Variants in ARHGEF40 observed in about 807,000 individuals in gnomAD.
ARHGEF40 encodes Rho guanine nucleotide exchange factor 40.
A neutral mutation model predicts 165.9 loss-of-function variants in ARHGEF40; 98 were observed. That is an observed-to-expected ratio of 0.59 (90% CI 0.50 to 0.70). The LOEUF (loss-of-function observed/expected upper bound fraction) is 0.70, where lower values mean the gene tolerates loss of function less well. ARHGEF40 is among the 30% of genes least tolerant of loss of function. The pLI is 0.00. For missense variants in ARHGEF40, 1,815 were observed against 1,968.0 expected, an observed-to-expected ratio of 0.92 and a Z score of 1.47; for synonymous variants, 792 against 814.3, an observed-to-expected ratio of 0.97 and a Z score of 0.47.
rs780157076 is a variant in ARHGEF40, at chr14:21,074,861, A to G, written c.1131A>G (p.Lys377=). The G allele has an allele frequency of 3.1e-6, 5 of 1,610,690 alleles. No individual in the cohort carries two copies. The South Asian group carries it at 4.4e-5, about 14-fold the overall frequency. ...GPPGTPRRTG[K]GNRRKKRAAG... Reference sequence around the variant, plus strand: ...CTGGTACCCCTCGGAGAACAGGCAAAGGAAACAGAAGAAAGAAGCGAGCTG... The same window carrying G: ...CTGGTACCCCTCGGAGAACAGGCAAGGGAAACAGAAGAAAGAAGCGAGCTG... Residue 377 remains lysine (K), a synonymous_variant, in exon 3 of 24, where the codon AAA becomes AAG. Coordinates refer to ENST00000298694, the MANE Select transcript of ARHGEF40 (RefSeq NM_018071.5). The surrounding 1 kb of genome is among the most constrained non-coding windows in gnomAD (Gnocchi z 4.8).
rs1008797454 is a variant in ARHGEF40 at position 21,078,926 on chromosome 14, C to T, written c.2289C>T (p.Asp763=). ...QGPATLYQEV[D]EAIHQLVRLS... is the part of the protein sequence containing the mutation. ...CAGCTACACTGTATCAGGAAGTGGACGAGGCCATTCACCAGCTTGTGCGCC... is the reference window on the plus strand; with the variant it reads ...CAGCTACACTGTATCAGGAAGTGGATGAGGCCATTCACCAGCTTGTGCGCC... Residue 763 remains aspartate (D), a synonymous_variant, in exon 11 of 24, where the codon GAC becomes GAT. Transcript: ENST00000298694. 9 of 1,614,066 alleles carry T rather than the reference C, an allele frequency of 5.6e-6. No homozygotes were observed. Among genetic ancestry groups the T allele is most frequent in the East Asian group, 4.5e-5 (2 of 44,896 alleles).
At chr14:21,084,691 C>T (rs1314741884) in intron 17 of ARHGEF40, 62 bp from the exon 18 acceptor site, 2 of 1,546,426 alleles carry the variant, frequency 1.3e-6, no homozygotes, top group Non-Finnish European at 1.7e-6. Flanking sequence ...TCTATTTTTG[C>T]TCCCTGTAAA....
chr14:21,074,958 C>T lies in ARHGEF40; in HGVS notation c.1228C>T (p.His410Tyr). The T allele has an allele frequency of 6.2e-7, 1 of 1,608,538 alleles. No individual in the cohort carries two copies. The highest frequency in any genetic ancestry group is 8.5e-7 in the Non-Finnish European group (1 of 1,177,940). Residue 410 changes from histidine to tyrosine, a missense_variant, in exon 3 of 24, where the codon CAC becomes TAC. His to Tyr is a moderately conservative substitution (Grantham distance 83). Transcript: ENST00000298694. This position sits in a 1 kb window ranked among gnomAD's most constrained non-coding sequence, Gnocchi z 4.8. ...CCCTGGGGACAAGGAAGATGCCAGC[C>T]ACCAAGAAGCCCTTGGCAATCTGCC... Reference protein sequence around the residue: ...LSPGDKEDASHQEALGNLPSP... With the variant: ...LSPGDKEDASYQEALGNLPSP...
At chr14:21,081,300 C>T in intron 13 of ARHGEF40, 1 of 797,078 alleles carries the variant, frequency 1.3e-6, no homozygotes, top group East Asian at 2.7e-5. Flanking sequence ...CGTATGAGTA[C>T]CGGTTATTCT....
In ARHGEF40 at chr14:21,089,677, A is replaced by C. The variant is rs1247353716; in HGVS notation, c.*669A>C. 6.6e-6 allele frequency: 1 copy of C among 152,330 alleles called. No individual in the cohort carries two copies. The highest frequency in any genetic ancestry group is 1.5e-5 in the Non-Finnish European group (1 of 68,082). The allele number at this position is 152,330 out of a possible 1,614,324, so 9.4% of individuals were successfully genotyped here. The stretch of plus-strand genomic sequence containing the variant: ...CTGGAAGGTCCCCTCTACCCCTCCC[A>C]GGCCCAGAGCTAGCTGACTGTGTAT... On this transcript the variant is annotated 3_prime_UTR_variant, in exon 24 of 24. Transcript: ENST00000298694.
At chr14:21,071,822 G>T (rs1444966006) in intron 1 of ARHGEF40, among the ~76,000 whole-genome samples, 1 of 152,196 alleles carries the variant, frequency 6.6e-6, no homozygotes, top group African/African-American at 2.4e-5. Flanking sequence ...GGGAACACTG[G>T]GGGTCTGTCT....
At chr14:21,088,742 T>C in intron 22 of ARHGEF40, 88 bp from the exon 23 acceptor site, 1 of 1,374,492 alleles carries the variant, frequency 7.3e-7, no homozygotes. Flanking sequence ...GAGAGGTGAA[T>C]TGACAGGCTT....
At position 21,070,732 on chromosome 14, in the gene ARHGEF40, C is replaced by T. The variant is rs112878437; in HGVS notation, c.3+333C>T. ...TTCCTTTCCTGGAGCTTCCCTCCCC[C>T]TCCTGGTCCGAGCTCCTTACCCGCG... is the stretch of plus-strand genomic sequence containing the variant. On this transcript the variant is annotated intron_variant, in intron 1 of 23. Transcript: ENST00000298694. The surrounding 1 kb of genome is among the most constrained non-coding windows in gnomAD (Gnocchi z 4.7). 38 of 1,373,410 alleles carry T rather than the reference C, an allele frequency of 2.8e-5. No individual in the cohort carries two copies. Among genetic ancestry groups the T allele is most frequent in the Admixed American group, 1.4e-4 (7 of 49,488 alleles). The allele number at this position is 1,373,410 out of a possible 1,614,324, so 85.1% of individuals were successfully genotyped here.
At chr14:21,082,762 A>T (rs1234187257) in intron 15 of ARHGEF40, 69 bp from the exon 16 acceptor site, 5 of 1,491,530 alleles carry the variant, frequency 3.4e-6, no homozygotes, top group Non-Finnish European at 3.7e-6. Context: ...GAGGATAGAG[A>T]GGGGGAAGAG....
chr14:21,071,784 C>A, intron 1 of ARHGEF40, among the ~76,000 whole-genome samples: 1 of 152,230 alleles, frequency 6.6e-6, no homozygotes, highest in Non-Finnish European at 1.5e-5. Flanking sequence ...CTTCCCCCCA[C>A]CCACGCGCAC....
In ARHGEF40 at chr14:21,073,219, G is replaced by A; in HGVS notation, c.178G>A (p.Ala60Thr). Residue 60 changes from alanine (A) to threonine (T), a missense_variant, in exon 2 of 24, where the codon GCC (alanine) becomes ACC (threonine). Transcript: ENST00000298694. The surrounding 1 kb of genome is among the most constrained non-coding windows in gnomAD (Gnocchi z 4.6). ...CCTGGTACCAGCCAAGCACCTGCTT[G>A]CCAAGGTCCAGCAGGAAGCCTGTGT... Reference protein sequence around the residue: ...DFLVPAKHLLAKVQQEACAQY... With the variant: ...DFLVPAKHLLTKVQQEACAQY... The A allele has an allele frequency of 6.2e-7, 1 of 1,612,360 alleles. No individual in the cohort carries two copies. The highest frequency in any genetic ancestry group is 8.5e-7 in the Non-Finnish European group (1 of 1,179,354).
In ARHGEF40 at chr14:21,089,894, G is replaced by A. The variant is rs1042764404; in HGVS notation, c.*886G>A. ...TGCGTGAGAACTTGCTTGGCTGTTT[G>A]TTAAATGCTAATTCTTGGGCCCCAT... On this transcript the variant is annotated 3_prime_UTR_variant, in exon 24 of 24. Coordinates refer to ENST00000298694, the MANE Select transcript of ARHGEF40 (RefSeq NM_018071.5). 3.4e-5 allele frequency: 7 copies of A among 205,466 alleles called. No individual in the cohort carries two copies. The highest frequency in any genetic ancestry group is 7.0e-5 in the Non-Finnish European group (7 of 99,332). 12.7% of individuals were successfully genotyped at this position (205,466 alleles called of 1,614,324 possible).
chr14:21,064,622 G>T, the ARHGEF40 span, among the ~76,000 whole-genome samples: 1 of 152,144 alleles, frequency 6.6e-6, no homozygotes, highest in Non-Finnish European at 1.5e-5. Flanking sequence ...TTTAACTAAA[G>T]ACAATGTAGG....
In ARHGEF40 at chr14:21,076,785, G is replaced by A. The variant is rs116128800; in HGVS notation, c.1929G>A (p.Val643=). The A allele has an allele frequency of 1.8e-4, 283 of 1,614,134 alleles. No homozygotes were observed. The African/African-American group carries it at 2.7e-3, about 15-fold the overall frequency. ...CTTACCCTCTACAGGGTGCTGAGGT[G>A]CTGTCAGAGAATGATCTGAAAAGAG... ...TELCGFQGAE[V]LSENDLKRVA... is the part of the protein sequence containing the mutation. Residue 643 remains valine, a synonymous_variant, in exon 8 of 24, where the codon GTG becomes GTA. Transcript: ENST00000298694.
rs568973895 is a variant in ARHGEF40 at position 21,079,000 on chromosome 14, G to A, written c.2363G>A (p.Arg788Gln). The change falls in exon 11 of 24, where the codon CGA (arginine) becomes CAA (glutamine). Residue 788 changes from arginine (R) to glutamine (Q), a missense_variant. Arg to Gln is a conservative substitution (Grantham distance 43). Transcript: ENST00000298694. ...CAAGAGCAGCGGCAGTGCCTGCGGC[G>A]ACTCCAGCAGGTGAGCCAGGATCCC... ...QQQEQRQCLR[R>Q]LQQVLQWLSG... The A allele has an allele frequency of 5.0e-6, 8 of 1,612,978 alleles. No homozygotes were observed. The highest frequency in any genetic ancestry group is 4.0e-5 in the African/African-American group (3 of 75,046).
Position 21,073,252 on chromosome 14 carries a change from C to G in ARHGEF40, c.201+10C>G, listed in dbSNP as rs1161915891. 1 of 1,592,600 alleles carries G rather than the reference C, an allele frequency of 6.3e-7. No individual in the cohort carries two copies. The highest frequency in any genetic ancestry group is 8.5e-7 in the Non-Finnish European group (1 of 1,170,018). The stretch of plus-strand genomic sequence containing the variant: ...CCAGCAGGAAGCCTGTGTGAGTGGC[C>G]GTGCATCACTATTCTGCCTTCCCCA... On this transcript the variant is annotated intron_variant, in intron 2 of 23. Transcript: ENST00000298694. This position sits in a 1 kb window ranked among gnomAD's most constrained non-coding sequence, Gnocchi z 4.6.
At position 21,080,591 on chromosome 14, in the gene ARHGEF40, T is replaced by C. The variant is rs970291854; in HGVS notation, c.2374-69T>C. ...CTATAGATTGGGGTGGTGGGGCTGA[T>C]GCTGGATCTCAGCCCTTCCTTGCCT... is the stretch of plus-strand genomic sequence containing the variant. On this transcript the variant is annotated intron_variant, in intron 11 of 23. Transcript: ENST00000298694. 6 of 1,526,748 alleles carry C rather than the reference T, an allele frequency of 3.9e-6. No homozygotes were observed. The East Asian group carries it at 1.4e-4, about 35-fold the overall frequency. The allele number at this position is 1,526,748 out of a possible 1,614,324, so 94.6% of individuals were successfully genotyped here.
upstream of ARHGEF40, among the ~76,000 whole-genome samples, chr14:21,066,624 G>A (rs927984753): frequency 2.0e-5 from 3 of 152,164 alleles, no homozygotes; most frequent in Admixed American, 6.5e-5. Flanking sequence ...ATGAGCCACC[G>A]TGCCCAGCCT....
chr14:21,082,449 C>A lies in ARHGEF40; in HGVS notation c.3457C>A (p.Leu1153Ile). The A allele has an allele frequency of 6.2e-7, 1 of 1,601,078 alleles. No homozygotes were observed. Among genetic ancestry groups the A allele is most frequent in the Non-Finnish European group, 8.5e-7 (1 of 1,172,022 alleles). ...RELQGCATHP[L>I]RIGACFLRHG... ...GCTTCAGGGCTGCGCCACCCACCCC[C>A]TACGCATTGGGGCCTGCTTCCTTCG... The change falls in exon 15 of 24, where the codon CTA (leucine) becomes ATA (isoleucine). Residue 1153 changes from leucine to isoleucine, a missense_variant. Transcript: ENST00000298694.
Sources: allele counts gnomAD v4.1 joint callset (sites outside exome capture counted in the v4.1 genomes callset), GRCh38; gene constraint gnomAD v4.1.1; non-coding constraint Gnocchi (gnomAD v3.1); transcripts MANE v1.5; gene names NCBI Gene and HGNC (gene_info 2026-07-23, HGNC 2026-07-21).